CLN8: variants seen among roughly 807,000 people sequenced by gnomAD.
The protein encoded by CLN8 is protein CLN8.
CLN8 carries 14 observed loss-of-function variants against 15.7 expected under a neutral mutation model. That is an observed-to-expected ratio of 0.89 (90% CI 0.59 to 1.39). The LOEUF is 1.39. Ranked by LOEUF, CLN8 falls within the 40% of genes most tolerant of loss-of-function variation. The pLI is 0.00. For synonymous variants in CLN8, 188 were observed against 151.0 expected, an observed-to-expected ratio of 1.25 and a Z score of -1.80; for missense variants, 415 against 364.0, an observed-to-expected ratio of 1.14 and a Z score of -1.14.
chr8:1,762,599 G>C (rs1362691936), upstream of CLN8: 1 of 152,198 alleles, frequency 6.6e-6, no homozygotes, highest in African/African-American at 2.4e-5. Context: ...ACTTGAACAT[G>C]AATGTCAACG....
chr8:1,774,624 C>T (rs543817243), intron 2 of CLN8, among the ~76,000 whole-genome samples: 4 of 152,240 alleles, frequency 2.6e-5, no homozygotes, highest in East Asian at 1.9e-4. Flanking sequence ...GCTTATTCTT[C>T]GTATTTCTGT....
Position 1,757,452 on chromosome 8 carries a change from G to T in CLN8, c.-124+1370G>T, listed in dbSNP as rs374234097. Among the ~76,000 whole-genome samples the T allele has an allele frequency of 6.6e-5, 10 of 152,160 alleles. No homozygotes were observed. The South Asian group carries it at 2.1e-3, about 32-fold the overall frequency. On this transcript the variant is annotated intron_variant, in intron 1 of 1. Coordinates refer to the CLN8 transcript ENST00000524258. ...AAGGCACTTTTTTTGGTTTTGTTTC[G>T]TTTTTTGAGATGGAGTCTTGCTCTG...
rs753430388 is a variant in CLN8, at chr8:1,771,165, C to A, written c.111C>A (p.Gly37=). The change falls in exon 2 of 3, where the codon GGC becomes GGA. Residue 37 remains glycine (G), a synonymous_variant. Coordinates refer to ENST00000331222, the MANE Select transcript of CLN8 (RefSeq NM_018941.4). ...LMVAGFVFYL[G]VFVVCHQLSS... ...TCGCTGGCTTTGTCTTCTACTTGGGCGTCTTTGTGGTCTGCCACCAGCTGT... is the reference window on the plus strand; with the variant it reads ...TCGCTGGCTTTGTCTTCTACTTGGGAGTCTTTGTGGTCTGCCACCAGCTGT... 1 of 1,614,026 alleles carries A rather than the reference C, an allele frequency of 6.2e-7. No homozygotes were observed. The highest frequency in any genetic ancestry group is 8.5e-7 in the Non-Finnish European group (1 of 1,180,002).
chr8:1,778,331 A>G (rs1413268069), intron 2 of CLN8, among the ~76,000 whole-genome samples: 1 of 152,262 alleles, frequency 6.6e-6, no homozygotes, highest in Non-Finnish European at 1.5e-5. Context: ...CAAGTAAGAA[A>G]TAAGTTATAG....
chr8:1,756,131 T>G (rs763947951), intron 1 of CLN8: 3 of 152,206 alleles, frequency 2.0e-5, no homozygotes, highest in Non-Finnish European at 4.4e-5. Context: ...TTCCCTGTGC[T>G]GCTTTCTGGA....
At chr8:1,779,934 C>T (rs908507281) in intron 2 of CLN8, 3 of 984,296 alleles carry the variant, frequency 3.0e-6, no homozygotes, top group Admixed American at 6.2e-5. Context: ...CAAGATAAAA[C>T]AAAGATTGAA....
At chr8:1,771,755 T>G (rs1801317428) in intron 2 of CLN8, among the ~76,000 whole-genome samples, 158 bp downstream of exon 2, 2 of 152,024 alleles carry the variant, frequency 1.3e-5, no homozygotes, top group Non-Finnish European at 2.9e-5. Context: ...TCTGGTTTTG[T>G]TTATTTATTT....
chr8:1,773,896 C>G (rs1227023589), intron 2 of CLN8: 1 of 152,214 alleles, frequency 6.6e-6, no homozygotes, highest in Non-Finnish European at 1.5e-5. Flanking sequence ...ATCAATGTCC[C>G]AAGTGGTAAA....
chr8:1,760,650 CTT>C (rs1800770374), upstream of CLN8, among the ~76,000 whole-genome samples: 1 of 152,284 alleles, frequency 6.6e-6, no homozygotes, highest in South Asian at 2.1e-4. Flanking sequence ...TCACTTCATT[CTT>C]TGTTAAGACA....
In CLN8 at chr8:1,783,343, G is replaced by C. The variant is rs1490075617; in HGVS notation, c.*2776G>C. On this transcript the variant is annotated 3_prime_UTR_variant, in exon 3 of 3. Transcript: ENST00000331222. ...GTGAGTTCACATAACAGGAATTCTG[G>C]AACTGCTTGAAAACTAGGACGATTG... 2 of 152,220 alleles carry C rather than the reference G, an allele frequency of 1.3e-5. No individual in the cohort carries two copies. The highest frequency in any genetic ancestry group is 1.5e-5 in the Non-Finnish European group (1 of 68,042). 9.4% of individuals were successfully genotyped at this position (152,220 alleles called of 1,614,324 possible).
At chr8:1,754,638 C>T (rs1447789332), upstream of CLN8, among the ~76,000 whole-genome samples, 1 of 152,164 alleles carries the variant, frequency 6.6e-6, no homozygotes, top group Non-Finnish European at 1.5e-5. Context: ...TGCTGTCGAA[C>T]ACACATTTTT....
upstream of CLN8, chr8:1,759,162 A>G (rs1800735894): frequency 6.6e-6 from 1 of 152,180 alleles, no homozygotes. Flanking sequence ...CCTGGATTTC[A>G]ACGGAAGGCG....
At chr8:1,772,829 T>A (rs1197729955) in intron 2 of CLN8, 9 of 393,820 alleles carry the variant, frequency 2.3e-5, no homozygotes, top group Non-Finnish European at 3.6e-5. Flanking sequence ...ACCCATCACA[T>A]TGTTTATGGG....
chr8:1,757,791 T>G (rs996469661), intron 1 of CLN8, among the ~76,000 whole-genome samples: 1 of 152,190 alleles, frequency 6.6e-6, no homozygotes, highest in Admixed American at 6.5e-5. Flanking sequence ...GCCAATGGCT[T>G]CGTCCAATGG....
Position 1,780,523 on chromosome 8 carries a change from A to G in CLN8, c.817A>G (p.Arg273Gly). ...WNFAQPEAKS[R>G]PEGNGQLLRK... is the part of the protein sequence containing the mutation. ...CTTCGCACAGCCAGAAGCCAAGAGC[A>G]GGCCAGAAGGCAACGGGCAGCTGCT... The change falls in exon 3 of 3, where the codon AGG (arginine) becomes GGG (glycine). Residue 273 changes from arginine (R) to glycine (G), a missense_variant. By Grantham distance (125) the Arg-to-Gly change is moderately radical. Coordinates refer to ENST00000331222, the MANE Select transcript of CLN8 (RefSeq NM_018941.4). 6.2e-7 allele frequency: 1 copy of G among 1,614,210 alleles called. No homozygotes were observed. The highest frequency in any genetic ancestry group is 1.1e-5 in the South Asian group (1 of 91,088).
chr8:1,762,949 A>G (rs1800839067), upstream of CLN8: 3 of 152,276 alleles, frequency 2.0e-5, no homozygotes, highest in Non-Finnish European at 4.4e-5. Context: ...AACAAAACAC[A>G]TTAGACAGAA....
intron 1 of CLN8, among the ~76,000 whole-genome samples, chr8:1,757,922 T>A (rs1800709416): frequency 6.6e-6 from 1 of 152,140 alleles, no homozygotes. Context: ...AGATTCAGGA[T>A]CGTCTAGCTT....
chr8:1,753,886 CA>C (rs1246928117), upstream of CLN8, among the ~76,000 whole-genome samples: 143 of 134,620 alleles, frequency 1.1e-3, no homozygotes, highest in African/African-American at 1.1e-3. Flanking sequence ...ACCTCCATCT[CA>C]AAAAAAAAAA....
rs1405518959 is a variant in CLN8, at chr8:1,772,880, A to G, written c.543+1283A>G. ...TTTGAGATCCTGCAAATGTTCAGCC[A>G]TTCACACAAATGGGTCATGTTACTG... On this transcript the variant is annotated intron_variant, in intron 2 of 2. Transcript: ENST00000331222. 5 of 398,440 alleles carry G rather than the reference A, an allele frequency of 1.3e-5. No homozygotes were observed. The Admixed American group carries it at 1.3e-4, about 11-fold the overall frequency. 24.7% of individuals were successfully genotyped at this position (398,440 alleles called of 1,614,324 possible).
Sources: gnomAD v4.1 joint callset for allele counts (sites outside exome capture counted in the v4.1 genomes callset) on GRCh38, gnomAD v4.1.1 for gene constraint, MANE v1.5 for transcripts, NCBI Gene and HGNC (gene_info 2026-07-23, HGNC 2026-07-21) for gene names.